UVRAG: variants seen among roughly 807,000 people sequenced by gnomAD.
UVRAG encodes the protein UV radiation resistance-associated gene protein.
UVRAG carries 19 observed loss-of-function variants against 78.0 expected under a neutral mutation model. That is an observed-to-expected ratio of 0.24 (90% confidence interval 0.17 to 0.36). The LOEUF (loss-of-function observed/expected upper bound fraction) is 0.36, where lower values mean the gene tolerates loss of function less well. UVRAG is among the 10% of genes least tolerant of loss of function. The pLI, the probability that UVRAG is intolerant of heterozygous loss-of-function variation, is 1.00. For missense variants in UVRAG, 740 were observed against 853.8 expected (o/e 0.87, Z 1.66); for synonymous variants, 323 against 324.6 (o/e 1.00, Z 0.05).
At chr11:75,859,943 AG>A (rs1340920155) in intron 2 of UVRAG, among the ~76,000 whole-genome samples, 1 of 152,086 alleles carries the variant, frequency 6.6e-6, no homozygotes, top group Non-Finnish European at 1.5e-5. Context: ...CAGGTAACAA[AG>A]TTTTATTTAT....
chr11:76,024,187 G>A (rs1211774873), intron 12 of UVRAG, among the ~76,000 whole-genome samples: 1 of 152,176 alleles, frequency 6.6e-6, no homozygotes, highest in East Asian at 1.9e-4. Context: ...CTTGCAGGAA[G>A]GGTGTTCCTT....
At chr11:76,094,131 T>C (rs989324435) in intron 13 of UVRAG, among the ~76,000 whole-genome samples, 1 of 152,214 alleles carries the variant, frequency 6.6e-6, no homozygotes, top group African/African-American at 2.4e-5. Flanking sequence ...GGTTTTTGTC[T>C]TTGGTTCTGT....
intron 6 of UVRAG, among the ~76,000 whole-genome samples, chr11:75,920,847 G>C (rs144854359): frequency 4.6e-4 from 70 of 152,200 alleles, no homozygotes; most frequent in South Asian, 3.7e-3. Context: ...ACATACTTGG[G>C]TTTCTTGTTC....
At chr11:75,855,651 A>G (rs1467270272) in intron 2 of UVRAG, among the ~76,000 whole-genome samples, 1 of 152,250 alleles carries the variant, frequency 6.6e-6, no homozygotes, top group Non-Finnish European at 1.5e-5. Context: ...TAAGAGACCA[A>G]TTGACTCTTC....
intron 14 of UVRAG, among the ~76,000 whole-genome samples, chr11:76,124,879 G>C (rs1308131809): frequency 6.6e-6 from 1 of 152,176 alleles, no homozygotes; most frequent in African/African-American, 2.4e-5. Context: ...AGTAAACTGA[G>C]AATAATGAAA....
Position 75,983,517 on chromosome 11 carries a change from A to G in UVRAG, c.826+4A>G. The G allele has an allele frequency of 1.3e-6, 2 of 1,589,144 alleles. No individual in the cohort carries two copies. The highest frequency in any genetic ancestry group is 1.7e-6 in the Non-Finnish European group (2 of 1,165,956). On this transcript the variant is annotated splice_donor_region_variant and intron_variant, in intron 8 of 14. Transcript: ENST00000356136. ...CAAATTGCATTACAAGACAAAGGTG[A>G]GTGGAAATACCATACAAACAGCCTA...
At position 75,964,436 on chromosome 11, in the gene UVRAG, T is replaced by C. The variant is rs1399379077; in HGVS notation, c.699+2887T>C. The stretch of plus-strand genomic sequence containing the variant: ...TTTCTTTAATAATTTACCTTTTGCA[T>C]TAACTTTTGTAGCTTGTGTCTTTCA... On this transcript the variant is annotated intron_variant, in intron 7 of 14. Coordinates refer to ENST00000356136, the MANE Select transcript of UVRAG (RefSeq NM_003369.4). Among the ~76,000 whole-genome samples the C allele has an allele frequency of 2.6e-5, 4 of 152,358 alleles. No homozygotes were observed. The East Asian group carries it at 7.7e-4, about 29-fold the overall frequency.
At chr11:75,913,511 G>A (rs372393462) in intron 6 of UVRAG, among the ~76,000 whole-genome samples, 3 of 152,272 alleles carry the variant, frequency 2.0e-5, no homozygotes, top group Admixed American at 2.0e-4. Context: ...TCTAAAAAGT[G>A]GAAGCAGTGA....
In UVRAG at chr11:76,140,489, G is replaced by A. The variant is rs1245007032; in HGVS notation, c.1398-222G>A. Among the ~76,000 whole-genome samples, 4 of 152,006 alleles carry A rather than the reference G, an allele frequency of 2.6e-5. No homozygotes were observed. In the South Asian group the frequency reaches 6.2e-4, roughly 24 times the overall value. ...TTGGGCCCTCTTCTCTAAATATATTGCAGTGTGTCTGTATCCTGCTGGAAG... is the reference window on the plus strand; with the variant it reads ...TTGGGCCCTCTTCTCTAAATATATTACAGTGTGTCTGTATCCTGCTGGAAG... On this transcript the variant is annotated intron_variant, in intron 14 of 14. Transcript: ENST00000356136.
At position 76,053,344 on chromosome 11, in the gene UVRAG, A is replaced by ACACACACACACACAC. The variant is rs60133924; in HGVS notation, c.1227-12366_1227-12365insCACACACACACACAC. On this transcript the variant is annotated intron_variant, in intron 12 of 14. Coordinates refer to ENST00000356136, the MANE Select transcript of UVRAG (RefSeq NM_003369.4). The stretch of plus-strand genomic sequence containing the variant: ...ACACACACACACACACACACACACA[A>ACACACACACACACAC]AAATAAATATGCACCTGCTCCTTCT... Among the ~76,000 whole-genome samples the ACACACACACACACAC allele has an allele frequency of 8.5e-3, 1,215 of 142,314 alleles. 20 individuals are homozygous for ACACACACACACACAC. The highest frequency in any genetic ancestry group is 0.026 in the African/African-American group (939 of 36,812). The allele number at this position is 142,314 out of a possible 152,430, so 93.4% of individuals were successfully genotyped here.
intron 1 of UVRAG, among the ~76,000 whole-genome samples, chr11:75,834,371 G>A (rs1370707442): frequency 2.0e-5 from 3 of 151,562 alleles, no homozygotes; most frequent in East Asian, 1.9e-4. Flanking sequence ...TCCTTCATAA[G>A]GTATCACTTC....
chr11:76,002,633 T>C (rs1949837700), intron 8 of UVRAG, among the ~76,000 whole-genome samples: 1 of 152,236 alleles, frequency 6.6e-6, no homozygotes, highest in Admixed American at 6.5e-5. Flanking sequence ...CCTAAATGTC[T>C]TAAAAAATCA....
chr11:75,819,327 A>T (rs543507958), intron 1 of UVRAG, among the ~76,000 whole-genome samples: 144 of 151,814 alleles, frequency 9.5e-4, no homozygotes, highest in African/African-American at 3.3e-3. Context: ...CTAGTGACAC[A>T]TTTTTTTTAC....
At chr11:76,100,438 G>A (rs988023600) in intron 13 of UVRAG, among the ~76,000 whole-genome samples, 1 of 152,042 alleles carries the variant, frequency 6.6e-6, no homozygotes, top group African/African-American at 2.4e-5. Flanking sequence ...TCTCTCCACT[G>A]GCTTACCTCA....
At chr11:75,833,152 T>C (rs1945698377) in intron 1 of UVRAG, among the ~76,000 whole-genome samples, 1 of 152,246 alleles carries the variant, frequency 6.6e-6, no homozygotes, top group African/African-American at 2.4e-5. Context: ...AAATGGCACC[T>C]TTTATTTTAT....
At chr11:75,817,166 T>G (rs1442355558) in intron 1 of UVRAG, among the ~76,000 whole-genome samples, 1 of 151,364 alleles carries the variant, frequency 6.6e-6, no homozygotes, top group Non-Finnish European at 1.5e-5. Context: ...GTGTGGGAGG[T>G]AGAGTGTGAG....
At chr11:75,895,687 G>A (rs1435254548) in intron 5 of UVRAG, among the ~76,000 whole-genome samples, 1 of 151,606 alleles carries the variant, frequency 6.6e-6, no homozygotes, top group African/African-American at 2.4e-5. Flanking sequence ...GTGTTGCCCA[G>A]GATGGTCTTG....
At chr11:76,084,901 A>G (rs1238134309) in intron 13 of UVRAG, among the ~76,000 whole-genome samples, 1 of 151,804 alleles carries the variant, frequency 6.6e-6, no homozygotes, top group Non-Finnish European at 1.5e-5. Flanking sequence ...TCTACTAAAA[A>G]TGCCCCCCAA....
At chr11:75,994,161 G>A (rs1565109398) in intron 8 of UVRAG, among the ~76,000 whole-genome samples, 1 of 152,180 alleles carries the variant, frequency 6.6e-6, no homozygotes, top group East Asian at 1.9e-4. Flanking sequence ...TACTTCAGTG[G>A]TGCCTGGGAA....
Sources: allele counts gnomAD v4.1 joint callset (sites outside exome capture counted in the v4.1 genomes callset), GRCh38; gene constraint gnomAD v4.1.1; transcripts MANE v1.5; gene names NCBI Gene and HGNC (gene_info 2026-07-23, HGNC 2026-07-21).